DACH1: variants seen among roughly 807,000 people sequenced by gnomAD.
DACH1 encodes the protein dachshund homolog 1.
In DACH1, 12 loss-of-function variants were observed where a neutral mutation model predicts 54.2. That is an observed-to-expected ratio of 0.22 (90% CI 0.14 to 0.36). DACH1 has a LOEUF of 0.36. Among genes scored for constraint, DACH1 ranks in the 10% least tolerant of loss-of-function variants. The pLI is 1.00. For missense variants in DACH1, 805 were observed against 929.8 expected (o/e 0.87, Z 1.75); for synonymous variants, 386 against 366.2 (o/e 1.05, Z -0.62).
rs1873697855 is a variant in DACH1, at chr13:71,438,397, C to T, written c.*2258G>A. On this transcript the variant is annotated 3_prime_UTR_variant, in exon 11 of 11. Transcript: ENST00000613252. ...TCCAAACCAACCTGTATAACTAAAA[C>T]AGGGAAAAAATTAAGTTACAGACTT... The T allele has an allele frequency of 6.6e-6, 1 of 152,328 alleles. No individual in the cohort carries two copies. The highest frequency in any genetic ancestry group is 2.4e-5 in the African/African-American group (1 of 41,466). The allele number at this position is 152,328 out of a possible 1,614,324, so 9.4% of individuals were successfully genotyped here.
intron 6 of DACH1, among the ~76,000 whole-genome samples, chr13:71,509,753 T>G (rs555164589): frequency 6.6e-6 from 1 of 152,232 alleles, no homozygotes; most frequent in East Asian, 1.9e-4. Context: ...TGCTCTTAAC[T>G]AAATAGTTCT....
At chr13:71,462,648 G>A (rs17088283) in intron 10 of DACH1, among the ~76,000 whole-genome samples, 1,945 of 151,638 alleles carry the variant, frequency 0.013, 42 homozygotes, top group African/African-American at 0.044. Flanking sequence ...TTCAACACTC[G>A]GCCTCTACCA....
chr13:71,556,948 C>G (rs1179319177), intron 6 of DACH1, 76 bp downstream of exon 6: 2 of 1,410,552 alleles, frequency 1.4e-6, no homozygotes, highest in African/African-American at 3.0e-5. Flanking sequence ...TAGAGATAGA[C>G]TTCATTGTGT....
chr13:71,766,043 C>T (rs1474908718), intron 1 of DACH1, among the ~76,000 whole-genome samples: 1 of 152,072 alleles, frequency 6.6e-6, no homozygotes, highest in African/African-American at 2.4e-5. Flanking sequence ...CCCGCCACCA[C>T]GTCCAGCTAA....
intron 2 of DACH1, among the ~76,000 whole-genome samples, chr13:71,661,154 C>T (rs1404221512): frequency 6.6e-6 from 1 of 151,224 alleles, no homozygotes; most frequent in Non-Finnish European, 1.5e-5. Flanking sequence ...CACATACACA[C>T]ACAGACACAT....
chr13:71,475,325 A>G, intron 9 of DACH1, 116 bp from the exon 10 acceptor site: 1 of 910,372 alleles, frequency 1.1e-6, no homozygotes. Flanking sequence ...AATCTTTGTC[A>G]TCTTTTAAAG....
At chr13:71,581,270 GTTA>G (rs751499540) in intron 3 of DACH1, among the ~76,000 whole-genome samples, 56 of 152,102 alleles carry the variant, frequency 3.7e-4, no homozygotes, top group Admixed American at 6.6e-4. Flanking sequence ...AATTATTATT[GTTA>G]TTATTATTTT....
Position 71,613,240 on chromosome 13 carries a change from G to A in DACH1, c.1126+17316C>T, listed in dbSNP as rs77643447. 1.2e-3 allele frequency among the ~76,000 whole-genome samples: 187 copies of A among 152,316 alleles called. 2 individuals are homozygous for A. The East Asian group carries it at 0.029, about 24-fold the overall frequency. ...CAGTTTTTAAGAACATCTGCAGAAA[G>A]AAAGGACGTAGTCTGTTTGAGAAAC... On this transcript the variant is annotated intron_variant, in intron 3 of 10. Coordinates refer to ENST00000613252, the MANE Select transcript of DACH1 (RefSeq NM_080759.6).
intron 1 of DACH1, among the ~76,000 whole-genome samples, chr13:71,828,465 G>A (rs1360852879): frequency 1.3e-5 from 2 of 151,896 alleles, no homozygotes; most frequent in Admixed American, 1.3e-4. Flanking sequence ...CAAATATAAA[G>A]TAGGGTAATA....
chr13:71,592,648 A>G (rs1264538394), intron 3 of DACH1, among the ~76,000 whole-genome samples: 1 of 152,082 alleles, frequency 6.6e-6, no homozygotes, highest in Non-Finnish European at 1.5e-5. Context: ...AGCAGATTTC[A>G]ATACCGAAAA....
chr13:71,606,728 C>A (rs999879827), intron 3 of DACH1, among the ~76,000 whole-genome samples: 1 of 151,794 alleles, frequency 6.6e-6, no homozygotes, highest in Non-Finnish European at 1.5e-5. Context: ...AGTGAGACAC[C>A]CTAAATGTTA....
chr13:71,847,441 A>G (rs1873356733), intron 1 of DACH1, among the ~76,000 whole-genome samples: 1 of 152,206 alleles, frequency 6.6e-6, no homozygotes, highest in African/African-American at 2.4e-5. Flanking sequence ...ACAAATAGAT[A>G]CAAAACTATA....
intron 3 of DACH1, among the ~76,000 whole-genome samples, chr13:71,581,667 G>A (rs1253774906): frequency 6.6e-6 from 1 of 151,966 alleles, no homozygotes; most frequent in Non-Finnish European, 1.5e-5. Context: ...TATAAATGGA[G>A]ATAAAGTGAG....
At chr13:71,584,651 G>A (rs1873100869) in intron 3 of DACH1, among the ~76,000 whole-genome samples, 1 of 151,644 alleles carries the variant, frequency 6.6e-6, no homozygotes, top group African/African-American at 2.4e-5. Context: ...CTACTGAACT[G>A]TTGAAAAAAT....
intron 1 of DACH1, among the ~76,000 whole-genome samples, chr13:71,772,241 G>A: frequency 6.6e-6 from 1 of 151,584 alleles, no homozygotes; most frequent in Non-Finnish European, 1.5e-5. Flanking sequence ...AACATACTAA[G>A]GAATAGACAA....
rs1388422632 is a variant in DACH1 at position 71,440,444 on chromosome 13, C to T, written c.*211G>A. The T allele has an allele frequency of 4.2e-6, 2 of 480,982 alleles. No homozygotes were observed. Among genetic ancestry groups the T allele is most frequent in the African/African-American group, 4.1e-5 (2 of 48,472 alleles). The allele number at this position is 480,982 out of a possible 1,614,324, so 29.8% of individuals were successfully genotyped here. A position where few individuals can be genotyped will look rare whatever the true frequency, so the allele number is the denominator to read the frequency against. ...ACTTTGATACTTGTACATTTACAAA[C>T]ATTCTCAGGTCTCTGGTATGAACCA... On this transcript the variant is annotated 3_prime_UTR_variant, in exon 11 of 11. Coordinates refer to ENST00000613252, the MANE Select transcript of DACH1 (RefSeq NM_080759.6).
chr13:71,524,782 A>C (rs1000965643), intron 6 of DACH1, among the ~76,000 whole-genome samples: 2 of 152,076 alleles, frequency 1.3e-5, no homozygotes, highest in African/African-American at 4.8e-5. Context: ...AAAAACAGCA[A>C]TGTTATTTTT....
chr13:71,858,560 A>G (rs565554967), intron 1 of DACH1, among the ~76,000 whole-genome samples: 25 of 151,832 alleles, frequency 1.6e-4, no homozygotes, highest in African/African-American at 3.9e-4. Flanking sequence ...TAGTCAAATC[A>G]AAGTATATTT....
chr13:71,649,102 T>C (rs1173177504), intron 2 of DACH1, among the ~76,000 whole-genome samples: 4 of 152,164 alleles, frequency 2.6e-5, no homozygotes, highest in Admixed American at 2.0e-4. Context: ...CCCATAAGAT[T>C]GTAATATTGC....
Sources: gnomAD v4.1 joint callset for allele counts (sites outside exome capture counted in the v4.1 genomes callset) on GRCh38, gnomAD v4.1.1 for gene constraint, MANE v1.5 for transcripts, NCBI Gene and HGNC (gene_info 2026-07-23, HGNC 2026-07-21) for gene names.